SNTB2: variants seen among roughly 807,000 people sequenced by gnomAD.
The protein encoded by SNTB2 is syntrophin beta 2.
SNTB2 carries 34 observed loss-of-function variants against 46.2 expected under a neutral mutation model. That is an observed-to-expected ratio of 0.74 (90% CI 0.56 to 0.98). SNTB2 has a LOEUF of 0.98. Ranked by LOEUF, SNTB2 falls within the 50% of genes least tolerant of loss-of-function variation. The pLI is 0.00. For synonymous variants in SNTB2, 290 were observed against 312.6 expected (o/e 0.93, Z 0.76); for missense variants, 603 against 731.4 (o/e 0.82, Z 2.02).
chr16:69,264,135 C>T (rs1964862759), intron 3 of SNTB2, among the ~76,000 whole-genome samples: 1 of 152,176 alleles, frequency 6.6e-6, no homozygotes, highest in African/African-American at 2.4e-5. Flanking sequence ...GGGTCTCCCA[C>T]AGTCGCGAAG....
rs1005011741 is a variant in SNTB2 at position 69,269,594 on chromosome 16, A to G, written c.1006-549A>G. 3.3e-5 allele frequency among the ~76,000 whole-genome samples: 5 copies of G among 152,330 alleles called. No individual in the cohort carries two copies. In the East Asian group the frequency reaches 5.8e-4, roughly 18 times the overall value. On this transcript the variant is annotated intron_variant, in intron 3 of 6. Transcript: ENST00000336278. ...TGTTATTTGGAAAATATTTTATTCA[A>G]CTATCTATGTATGTATATATTGGGT...
intron 3 of SNTB2, among the ~76,000 whole-genome samples, chr16:69,269,515 G>GA (rs59406079): frequency 2.1e-4 from 30 of 143,456 alleles, no homozygotes; most frequent in East Asian, 6.0e-4. Flanking sequence ...GACTGTCTCA[G>GA]AAAAAAAAAA....
At chr16:69,271,090 TATTCTTTGC>T (rs1964933180) in intron 4 of SNTB2, among the ~76,000 whole-genome samples, 1 of 152,192 alleles carries the variant, frequency 6.6e-6, no homozygotes, top group Non-Finnish European at 1.5e-5. Context: ...TAAGGCAGAG[TATTCTTTGC>T]ATTACTGGAA....
At chr16:69,221,996 A>G (rs745602401) in intron 1 of SNTB2, among the ~76,000 whole-genome samples, 1 of 152,206 alleles carries the variant, frequency 6.6e-6, no homozygotes, top group Non-Finnish European at 1.5e-5. Flanking sequence ...CTTTGTTGAC[A>G]CTGCATACTT....
chr16:69,221,544 C>T (rs911023359), intron 1 of SNTB2, among the ~76,000 whole-genome samples: 10 of 152,040 alleles, frequency 6.6e-5, no homozygotes, highest in Admixed American at 3.9e-4. Context: ...GGGAGGCTGA[C>T]GTGGGCAGAT....
At chr16:69,262,950 C>T (rs762184644) in intron 3 of SNTB2, among the ~76,000 whole-genome samples, 15 of 151,298 alleles carry the variant, frequency 9.9e-5, no homozygotes, top group Non-Finnish European at 1.6e-4. Flanking sequence ...TGCTGGGATC[C>T]GGCCAATACA....
At chr16:69,210,527 C>T (rs1192501432) in intron 1 of SNTB2, among the ~76,000 whole-genome samples, 2 of 149,450 alleles carry the variant, frequency 1.3e-5, no homozygotes, top group African/African-American at 2.5e-5. Flanking sequence ...CATGAGCCAC[C>T]GCGCCCGGCC....
chr16:69,292,418 T>TAATATATATATATAA, intron 5 of SNTB2, among the ~76,000 whole-genome samples: 1 of 14,252 alleles, frequency 7.0e-5, no homozygotes, highest in African/African-American at 7.5e-4. Flanking sequence ...TATATATATA[T>TAATATATATATATAA]TATATATATA....
At chr16:69,260,946 A>G (rs1964828778) in intron 3 of SNTB2, among the ~76,000 whole-genome samples, 2 of 152,214 alleles carry the variant, frequency 1.3e-5, no homozygotes, top group African/African-American at 4.8e-5. Flanking sequence ...AGAACTTGAA[A>G]ACCCAGGTTA....
At chr16:69,255,406 A>G (rs1436287298) in intron 2 of SNTB2, among the ~76,000 whole-genome samples, 1 of 151,738 alleles carries the variant, frequency 6.6e-6, no homozygotes, top group African/African-American at 2.4e-5. Context: ...CTAAAAATAC[A>G]AAAAATTAGC....
At chr16:69,295,601 C>T (rs949080708) in intron 5 of SNTB2, among the ~76,000 whole-genome samples, 1 of 152,004 alleles carries the variant, frequency 6.6e-6, no homozygotes, top group Non-Finnish European at 1.5e-5. Flanking sequence ...ATAGTGGACA[C>T]ATAGCCATCC....
At chr16:69,256,401 A>G (rs1964776726) in intron 2 of SNTB2, among the ~76,000 whole-genome samples, 1 of 152,142 alleles carries the variant, frequency 6.6e-6, no homozygotes, top group Admixed American at 6.6e-5. Flanking sequence ...AGTGTTAAGT[A>G]TATTCATATT....
At chr16:69,270,568 A>T (rs923090659) in intron 4 of SNTB2, among the ~76,000 whole-genome samples, 1 of 152,164 alleles carries the variant, frequency 6.6e-6, no homozygotes, top group Non-Finnish European at 1.5e-5. Flanking sequence ...CATGAAGATT[A>T]TAGGGTTTTT....
chr16:69,255,083 A>C (rs972169924), intron 2 of SNTB2, among the ~76,000 whole-genome samples: 1 of 151,796 alleles, frequency 6.6e-6, no homozygotes, highest in Non-Finnish European at 1.5e-5. Flanking sequence ...AAATTATTTT[A>C]TTATTATTTT....
Position 69,267,832 on chromosome 16 carries a change from A to G in SNTB2, c.1006-2311A>G, listed in dbSNP as rs1964900429. Among the ~76,000 whole-genome samples, 4 of 152,318 alleles carry G rather than the reference A, an allele frequency of 2.6e-5. No homozygotes were observed. The South Asian group carries it at 8.3e-4, about 32-fold the overall frequency. On this transcript the variant is annotated intron_variant, in intron 3 of 6. Coordinates refer to ENST00000336278, the MANE Select transcript of SNTB2 (RefSeq NM_006750.4). ...GTCCAGATTACCTTCAGAAGTCTTT[A>G]AGGAAAACACGTGAAAAGGGCTCTG... is the stretch of plus-strand genomic sequence containing the variant.
chr16:69,276,306 T>C (rs79012511), intron 4 of SNTB2, among the ~76,000 whole-genome samples: 1,590 of 152,254 alleles, frequency 0.01, 26 homozygotes, highest in African/African-American at 0.036. Context: ...TTGCATGAAC[T>C]CATCTGGCCT....
At chr16:69,199,743 G>A (rs1964142062) in intron 1 of SNTB2, among the ~76,000 whole-genome samples, 1 of 151,982 alleles carries the variant, frequency 6.6e-6, no homozygotes, top group Non-Finnish European at 1.5e-5. Flanking sequence ...TTTAGTGAAT[G>A]GGCAAGACTC....
At chr16:69,197,040 C>A (rs1964112639) in intron 1 of SNTB2, among the ~76,000 whole-genome samples, 1 of 151,500 alleles carries the variant, frequency 6.6e-6, no homozygotes, top group African/African-American at 2.4e-5. Flanking sequence ...CATGCTGGAC[C>A]TAAAGCTGTA....
At chr16:69,227,582 A>C (rs1347353952) in intron 1 of SNTB2, among the ~76,000 whole-genome samples, 3 of 152,228 alleles carry the variant, frequency 2.0e-5, no homozygotes, top group African/African-American at 7.2e-5. Flanking sequence ...AAAAAAGTTT[A>C]AAAAACTATG....
Sources: allele counts gnomAD v4.1 joint callset (sites outside exome capture counted in the v4.1 genomes callset), GRCh38; gene constraint gnomAD v4.1.1; transcripts MANE v1.5; gene names NCBI Gene and HGNC (gene_info 2026-07-23, HGNC 2026-07-21).